Variants in AFF3 observed in about 807,000 individuals in gnomAD.
The protein encoded by AFF3 is AF4/FMR2 family member 3.
In AFF3, 32 loss-of-function variants were observed where a neutral mutation model predicts 129.7. The observed-to-expected ratio is 0.25, with a 90% CI of 0.19 to 0.33. The LOEUF is 0.33. Ranked by LOEUF, AFF3 falls within the 10% of genes least tolerant of loss-of-function variation. The pLI is 1.00. For synonymous variants in AFF3, 644 were observed against 635.4 expected (o/e 1.01, Z -0.20); for missense variants, 1,373 against 1,592.0 (o/e 0.86, Z 2.34).
At chr2:99,742,333 G>C (rs1680786380) in intron 10 of AFF3, among the ~76,000 whole-genome samples, 2 of 151,928 alleles carry the variant, frequency 1.3e-5, no homozygotes, top group South Asian at 4.2e-4. Flanking sequence ...AACAGAGCAA[G>C]ACCTTGTCTC....
At chr2:99,661,206 C>T (rs1464270687) in intron 12 of AFF3, among the ~76,000 whole-genome samples, 3 of 152,140 alleles carry the variant, frequency 2.0e-5, no homozygotes, top group African/African-American at 7.2e-5. Flanking sequence ...TAACAATGTC[C>T]CCTGGAGGGA....
At chr2:99,701,209 A>G (rs927405608) in intron 11 of AFF3, among the ~76,000 whole-genome samples, 9 of 152,172 alleles carry the variant, frequency 5.9e-5, no homozygotes, top group Non-Finnish European at 8.8e-5. Context: ...ACTCACTCCC[A>G]TGCATTTTCA....
chr2:99,595,736 T>C (rs373372634), intron 14 of AFF3, among the ~76,000 whole-genome samples: 3 of 152,256 alleles, frequency 2.0e-5, no homozygotes, highest in East Asian at 3.9e-4. Context: ...GGCTGTATCA[T>C]AGAAGCAGGG....
intron 7 of AFF3, among the ~76,000 whole-genome samples, chr2:99,947,571 AAG>A (rs890527260): frequency 1.0e-4 from 15 of 150,096 alleles, no homozygotes; most frequent in Non-Finnish European, 2.1e-4. Context: ...AAGAGAAAGA[AAG>A]AAAAGAAAAG....
chr2:99,782,308 G>T (rs553075516), intron 8 of AFF3, among the ~76,000 whole-genome samples: 3 of 152,192 alleles, frequency 2.0e-5, no homozygotes, highest in Non-Finnish European at 4.4e-5. Context: ...AAAGAAGCAG[G>T]ATTCCCTTTT....
intron 7 of AFF3, among the ~76,000 whole-genome samples, chr2:99,841,974 G>A (rs912661264): frequency 2.6e-5 from 4 of 152,146 alleles, no homozygotes; most frequent in South Asian, 2.1e-4. Context: ...ATTACTCAGC[G>A]CTTGATCATT....
intron 14 of AFF3, among the ~76,000 whole-genome samples, chr2:99,600,798 A>G (rs935149845): frequency 1.3e-5 from 2 of 152,180 alleles, no homozygotes; most frequent in Non-Finnish European, 2.9e-5. Flanking sequence ...TAGAAACAGC[A>G]ATGGTTTTTA....
intron 4 of AFF3, among the ~76,000 whole-genome samples, chr2:100,027,622 A>C (rs1222403365): frequency 2.0e-5 from 3 of 151,754 alleles, no homozygotes; most frequent in Admixed American, 6.6e-5. Flanking sequence ...TTTCATCAGT[A>C]CTCTTCTCAG....
At chr2:99,778,559 G>T (rs966057883) in intron 8 of AFF3, among the ~76,000 whole-genome samples, 2 of 152,132 alleles carry the variant, frequency 1.3e-5, no homozygotes, top group Non-Finnish European at 2.9e-5. Flanking sequence ...ATATCAATGT[G>T]ATCTATGTCA....
At chr2:99,668,171 T>A (rs1430875243) in intron 12 of AFF3, among the ~76,000 whole-genome samples, 4 of 151,434 alleles carry the variant, frequency 2.6e-5, no homozygotes, top group East Asian at 2.0e-4. Flanking sequence ...AAAAAAAAAA[T>A]TTGTTTTTGT....
chr2:99,649,865 T>C (rs1302071721), intron 12 of AFF3, among the ~76,000 whole-genome samples, 199 bp from the exon 13 acceptor site: 1 of 152,186 alleles, frequency 6.6e-6, no homozygotes, highest in Non-Finnish European at 1.5e-5. Context: ...CACGGACAGT[T>C]AACTGAAGCC....
At chr2:99,681,689 C>A (rs962341808) in intron 11 of AFF3, among the ~76,000 whole-genome samples, 2 of 152,184 alleles carry the variant, frequency 1.3e-5, no homozygotes, top group African/African-American at 2.4e-5. Flanking sequence ...AACCAGAAAG[C>A]AGTTTCTCAA....
chr2:99,967,121 C>G (rs1287312075), intron 7 of AFF3, among the ~76,000 whole-genome samples: 1 of 152,094 alleles, frequency 6.6e-6, no homozygotes. Flanking sequence ...TCACCCCAGC[C>G]CTTCCATTGC....
intron 7 of AFF3, among the ~76,000 whole-genome samples, chr2:99,934,341 G>A (rs1674323814): frequency 6.6e-6 from 1 of 152,192 alleles, no homozygotes; most frequent in South Asian, 2.1e-4. Flanking sequence ...GAATGAACAT[G>A]TTCTGTGAGC....
At chr2:99,802,146 C>A (rs913008802) in intron 8 of AFF3, among the ~76,000 whole-genome samples, 1 of 152,146 alleles carries the variant, frequency 6.6e-6, no homozygotes, top group East Asian at 1.9e-4. Flanking sequence ...ACTACTTAGG[C>A]CTTCTAAAAG....
intron 8 of AFF3, among the ~76,000 whole-genome samples, chr2:99,778,895 CG>C (rs1684160497): frequency 5.1e-5 from 7 of 137,134 alleles, no homozygotes; most frequent in African/African-American, 1.2e-4. Context: ...TGTGTGTGTG[CG>C]CGTGTGTGTG....
chr2:99,701,022 G>A (rs1404319502), intron 11 of AFF3, among the ~76,000 whole-genome samples: 1 of 152,210 alleles, frequency 6.6e-6, no homozygotes, highest in Non-Finnish European at 1.5e-5. Flanking sequence ...GGGACAGTGT[G>A]GCCCTGACTG....
intron 11 of AFF3, among the ~76,000 whole-genome samples, chr2:99,701,006 C>T (rs1485801974): frequency 6.6e-6 from 1 of 152,202 alleles, no homozygotes; most frequent in Non-Finnish European, 1.5e-5. Flanking sequence ...CACACTCATA[C>T]TGAAAGGGAC....
At chr2:100,105,436 G>A in intron 3 of AFF3, 68 bp downstream of exon 3, 2 of 1,319,968 alleles carry the variant, frequency 1.5e-6, no homozygotes, top group Non-Finnish European at 2.0e-6. Flanking sequence ...TTGGCCTCCA[G>A]TGGTGGTCCC....
Sources: allele counts gnomAD v4.1 joint callset (sites outside exome capture counted in the v4.1 genomes callset), GRCh38; gene constraint gnomAD v4.1.1; transcripts MANE v1.5; gene names NCBI Gene and HGNC (gene_info 2026-07-23, HGNC 2026-07-21).